Variants in NR1H4 observed in about 807,000 individuals in gnomAD.
The protein encoded by NR1H4 is nuclear receptor subfamily 1 group H member 4.
NR1H4 carries 23 observed loss-of-function variants against 58.5 expected under a neutral mutation model. That is an observed-to-expected ratio of 0.39 (90% CI 0.28 to 0.56). The LOEUF is 0.56. NR1H4 is among the 20% of genes least tolerant of loss of function. The probability of loss-of-function intolerance (pLI) is 0.58; values close to 1 mark genes in which losing one functional copy is unlikely to be tolerated. For missense variants in NR1H4, 487 were observed against 576.9 expected, an observed-to-expected ratio of 0.84 and a Z score of 1.60; for synonymous variants, 214 against 198.0, an observed-to-expected ratio of 1.08 and a Z score of -0.68.
At chr12:100,524,964 C>T (rs1368138182) in intron 4 of NR1H4, among the ~76,000 whole-genome samples, 1 of 152,138 alleles carries the variant, frequency 6.6e-6, no homozygotes, top group Non-Finnish European at 1.5e-5. Context: ...GGGAAGATGG[C>T]CAGCCCCTCC....
chr12:100,553,131 T>C (rs985561649), intron 9 of NR1H4, among the ~76,000 whole-genome samples: 1 of 152,124 alleles, frequency 6.6e-6, no homozygotes, highest in Admixed American at 6.5e-5. Context: ...CCTGAGTAGC[T>C]GGGACTACAG....
chr12:100,514,777 A>G (rs913302919), intron 4 of NR1H4, among the ~76,000 whole-genome samples: 1 of 152,180 alleles, frequency 6.6e-6, no homozygotes, highest in African/African-American at 2.4e-5. Flanking sequence ...TGAATTACTT[A>G]TGCTATCAAG....
At chr12:100,502,680 T>C (rs529617276) in intron 3 of NR1H4, among the ~76,000 whole-genome samples, 2 of 152,352 alleles carry the variant, frequency 1.3e-5, no homozygotes, top group African/African-American at 4.8e-5. Context: ...GACTTTACAA[T>C]GGTGTGAAAT....
chr12:100,542,914 A>G (rs533137729), intron 9 of NR1H4, among the ~76,000 whole-genome samples: 14 of 151,280 alleles, frequency 9.3e-5, no homozygotes, highest in Non-Finnish European at 1.8e-4. Flanking sequence ...GCAAGGTACT[A>G]TGGTAGCAGT....
intron 1 of NR1H4, among the ~76,000 whole-genome samples, chr12:100,484,953 T>C (rs1953459528): frequency 6.6e-6 from 1 of 152,228 alleles, no homozygotes; most frequent in Non-Finnish European, 1.5e-5. Context: ...TTGTGTATTT[T>C]TACATAGGAA....
At chr12:100,485,136 A>G (rs189665163) in intron 1 of NR1H4, among the ~76,000 whole-genome samples, 1 of 152,336 alleles carries the variant, frequency 6.6e-6, no homozygotes, top group East Asian at 1.9e-4. Context: ...CTGCAGCTCT[A>G]TTCTGAATAT....
At chr12:100,481,380 A>G (rs1026557871) in intron 1 of NR1H4, among the ~76,000 whole-genome samples, 4 of 152,246 alleles carry the variant, frequency 2.6e-5, no homozygotes, top group African/African-American at 7.2e-5. Flanking sequence ...CCTGATTATG[A>G]AGAGTGAACA....
At chr12:100,536,486 C>A (rs79934001) in intron 6 of NR1H4, 26 bp from the exon 7 acceptor site, 2 of 1,361,346 alleles carry the variant, frequency 1.5e-6, no homozygotes, top group Non-Finnish European at 2.1e-6. Context: ...TCTTCCCTAA[C>A]ACCTTTTATT....
chr12:100,535,143 T>A, intron 6 of NR1H4, 120 bp downstream of exon 6: 1 of 1,114,106 alleles, frequency 9.0e-7, no homozygotes. Context: ...CTAGTCCAAT[T>A]GTTCATTAAA....
chr12:100,502,066 A>G (rs1455322798), intron 3 of NR1H4, among the ~76,000 whole-genome samples: 2 of 152,202 alleles, frequency 1.3e-5, no homozygotes, highest in African/African-American at 2.4e-5. Flanking sequence ...CATAACATCA[A>G]TGTAGTGATG....
Position 100,534,904 on chromosome 12 carries a change from A to G in NR1H4, c.613A>G (p.Ile205Val), listed in dbSNP as rs1410731717. Reference protein sequence around the residue: ...ECMYTGLLTEIQCKSKRLRKN... With the variant: ...ECMYTGLLTEVQCKSKRLRKN... ...ATTTGTTTTAGGCTTGTTAACTGAA[A>G]TTCAGTGTAAATCTAAGCGACTGAG... Residue 205 changes from isoleucine to valine, a missense_variant, in exon 6 of 11, where the codon ATT becomes GTT. Coordinates refer to ENST00000392986, the MANE Select transcript of NR1H4 (RefSeq NM_001206979.2). 1.2e-6 allele frequency: 2 copies of G among 1,614,078 alleles called. No individual in the cohort carries two copies. The highest frequency in any genetic ancestry group is 1.7e-6 in the Non-Finnish European group (2 of 1,180,030).
chr12:100,564,337 C>A lies in NR1H4; in HGVS notation c.*848C>A, dbSNP rs1214769156. 6.6e-6 allele frequency: 1 copy of A among 152,154 alleles called. No individual in the cohort carries two copies. Among genetic ancestry groups the A allele is most frequent in the African/African-American group, 2.4e-5 (1 of 41,420 alleles). 9.4% of individuals were successfully genotyped at this position (152,154 alleles called of 1,614,324 possible). ...CCCAAAGCAGGAATTAGTTCATTTCCTTCCTTCATTGTTACACTGTTGCAT... is the reference window on the plus strand; with the variant it reads ...CCCAAAGCAGGAATTAGTTCATTTCATTCCTTCATTGTTACACTGTTGCAT... On this transcript the variant is annotated 3_prime_UTR_variant, in exon 11 of 11. Coordinates refer to ENST00000392986, the MANE Select transcript of NR1H4 (RefSeq NM_001206979.2).
chr12:100,505,480 T>C, intron 3 of NR1H4: 1 of 637,198 alleles, frequency 1.6e-6, no homozygotes, highest in Non-Finnish European at 2.8e-6. Context: ...AGAACCCTTC[T>C]ATCACCTCAG....
At chr12:100,523,729 C>T (rs1478267838) in intron 4 of NR1H4, among the ~76,000 whole-genome samples, 1 of 152,176 alleles carries the variant, frequency 6.6e-6, no homozygotes, top group African/African-American at 2.4e-5. Flanking sequence ...GGGTCATACA[C>T]TGTTTTCAAA....
At chr12:100,481,619 A>T (rs1291274643) in intron 1 of NR1H4, among the ~76,000 whole-genome samples, 7 of 150,920 alleles carry the variant, frequency 4.6e-5, no homozygotes, top group South Asian at 2.1e-4. Context: ...ACAAAAAATT[A>T]AAAAAATTAG....
Position 100,564,129 on chromosome 12 carries a change from ATAGT to A in NR1H4, c.*645_*648del, listed in dbSNP as rs770725845. 9 of 152,502 alleles carry A rather than the reference ATAGT, an allele frequency of 5.9e-5. No individual in the cohort carries two copies. Among genetic ancestry groups the A allele is most frequent in the Admixed American group, 1.3e-4 (2 of 15,306 alleles). The allele number at this position is 152,502 out of a possible 1,614,324, so 9.4% of individuals were successfully genotyped here. Reference sequence around the variant, plus strand: ...ATTCCCTCAAGCAATCCTTTCCCCCATAGTTAGTCTTGAGGCAGGATTCACAAAT... The same window carrying A: ...ATTCCCTCAAGCAATCCTTTCCCCCATAGTCTTGAGGCAGGATTCACAAAT... On this transcript the variant is annotated 3_prime_UTR_variant, in exon 11 of 11. Transcript: ENST00000392986.
intron 7 of NR1H4, 60 bp from the exon 8 acceptor site, chr12:100,536,888 G>A: frequency 9.7e-7 from 1 of 1,033,504 alleles, no homozygotes; most frequent in East Asian, 2.4e-5. Flanking sequence ...TAGTCTAATG[G>A]TTTTATATTA....
At chr12:100,561,714 T>C (rs1955479175) in intron 9 of NR1H4, among the ~76,000 whole-genome samples, 171 bp from the exon 10 acceptor site, 1 of 152,204 alleles carries the variant, frequency 6.6e-6, no homozygotes, top group Non-Finnish European at 1.5e-5. Flanking sequence ...TGTCAACTGA[T>C]TGTCTTCACA....
intron 9 of NR1H4, among the ~76,000 whole-genome samples, chr12:100,554,066 G>A (rs1252704520): frequency 6.6e-6 from 1 of 152,198 alleles, no homozygotes; most frequent in Non-Finnish European, 1.5e-5. Context: ...AGCCTGTGCA[G>A]GCAACAAGCT....
Sources: gnomAD v4.1 joint callset for allele counts (sites outside exome capture counted in the v4.1 genomes callset) on GRCh38, gnomAD v4.1.1 for gene constraint, MANE v1.5 for transcripts, NCBI Gene and HGNC (gene_info 2026-07-23, HGNC 2026-07-21) for gene names.